The following STK39 variants were observed in gnomAD, a reference collection of about 807,000 sequenced individuals.
STK39 encodes serine/threonine kinase 39.
A neutral mutation model predicts 77.8 loss-of-function variants in STK39; 20 were observed. That is an observed-to-expected ratio of 0.26 (90% CI 0.18 to 0.37). The LOEUF (loss-of-function observed/expected upper bound fraction) is 0.37, where lower values mean the gene tolerates loss of function less well. Among genes scored for constraint, STK39 ranks in the 10% least tolerant of loss-of-function variants. STK39 has a pLI of 1.00. For synonymous variants in STK39, 246 were observed against 234.1 expected (o/e 1.05, Z -0.47); for missense variants, 479 against 656.5 (o/e 0.73, Z 2.95).
At chr2:168,207,655 A>T (rs1309893466) in intron 1 of STK39, among the ~76,000 whole-genome samples, 1 of 152,252 alleles carries the variant, frequency 6.6e-6, no homozygotes, top group Non-Finnish European at 1.5e-5. Context: ...AGCTATCATG[A>T]AAAAATTATT....
At chr2:168,008,691 AG>A (rs1277519230) in intron 16 of STK39, among the ~76,000 whole-genome samples, 2 of 152,180 alleles carry the variant, frequency 1.3e-5, no homozygotes, top group Non-Finnish European at 2.9e-5. Context: ...ATCTAAGGAA[AG>A]GGTCCTTGGA....
At chr2:168,024,636 G>A (rs1379475590) in intron 14 of STK39, among the ~76,000 whole-genome samples, 1 of 152,218 alleles carries the variant, frequency 6.6e-6, no homozygotes, top group Non-Finnish European at 1.5e-5. Flanking sequence ...CCAGAACCAA[G>A]AGCCAATACA....
chr2:168,140,252 A>T, intron 7 of STK39, 37 bp downstream of exon 7: 1 of 1,522,450 alleles, frequency 6.6e-7, no homozygotes, highest in Non-Finnish European at 9.1e-7. Context: ...GTCCAATCAC[A>T]TTTCAACCCC....
chr2:168,154,545 T>C (rs780736069), intron 5 of STK39, among the ~76,000 whole-genome samples: 8 of 152,224 alleles, frequency 5.3e-5, no homozygotes, highest in Non-Finnish European at 8.8e-5. Context: ...TAAGATGTTA[T>C]TGACCAAAAC....
At chr2:168,242,563 ATATATAT>A (rs1558893953) in intron 1 of STK39, among the ~76,000 whole-genome samples, 9,881 of 57,764 alleles carry the variant, frequency 0.17, 2,339 homozygotes, top group East Asian at 0.38. Flanking sequence ...AAAAAAAAAT[ATATATAT>A]ATATATATAT....
chr2:168,029,256 A>G (rs1684774849), intron 14 of STK39, among the ~76,000 whole-genome samples: 1 of 152,204 alleles, frequency 6.6e-6, no homozygotes, highest in South Asian at 2.1e-4. Flanking sequence ...TACTTGCCTG[A>G]AACTAAGGCA....
chr2:168,236,407 T>C (rs1383457940), intron 1 of STK39, among the ~76,000 whole-genome samples: 1 of 152,238 alleles, frequency 6.6e-6, no homozygotes, highest in Non-Finnish European at 1.5e-5. Flanking sequence ...AGGTTGCCTG[T>C]TCACTCTGAT....
intron 4 of STK39, among the ~76,000 whole-genome samples, chr2:168,162,786 G>A (rs1688607461): frequency 6.6e-6 from 1 of 152,058 alleles, no homozygotes; most frequent in Non-Finnish European, 1.5e-5. Flanking sequence ...CTAGCACTTT[G>A]GGAGGCTAAG....
intron 5 of STK39, among the ~76,000 whole-genome samples, chr2:168,142,566 C>T (rs1481779942): frequency 6.6e-6 from 1 of 152,090 alleles, no homozygotes; most frequent in Non-Finnish European, 1.5e-5. Context: ...GATATATTTC[C>T]ACTTCCTTAA....
At chr2:167,987,925 T>C (rs1305755763) in intron 16 of STK39, among the ~76,000 whole-genome samples, 1 of 152,226 alleles carries the variant, frequency 6.6e-6, no homozygotes, top group Non-Finnish European at 1.5e-5. Flanking sequence ...GCAATTTATG[T>C]ATCAAATTTT....
chr2:167,961,838 G>T (rs562817071), intron 17 of STK39, among the ~76,000 whole-genome samples: 1 of 152,140 alleles, frequency 6.6e-6, no homozygotes, highest in Non-Finnish European at 1.5e-5. Flanking sequence ...AATATCTGTC[G>T]TAAGACCAGA....
chr2:168,041,109 C>T (rs1425975368), intron 14 of STK39, among the ~76,000 whole-genome samples: 1 of 152,130 alleles, frequency 6.6e-6, no homozygotes, highest in Admixed American at 6.5e-5. Flanking sequence ...GGGATCTGAC[C>T]TCAGCAGGTG....
chr2:167,999,171 T>C (rs1430272313), intron 16 of STK39, among the ~76,000 whole-genome samples: 1 of 152,228 alleles, frequency 6.6e-6, no homozygotes, highest in Non-Finnish European at 1.5e-5. Context: ...AAATCCATTA[T>C]TTCTACACAT....
chr2:168,024,412 G>C (rs1011833151), intron 14 of STK39, among the ~76,000 whole-genome samples: 4 of 152,206 alleles, frequency 2.6e-5, no homozygotes, highest in Admixed American at 2.0e-4. Flanking sequence ...CTTCATCCCT[G>C]ATGTGACTGT....
intron 1 of STK39, among the ~76,000 whole-genome samples, chr2:168,197,061 T>C (rs1292759171): frequency 6.6e-6 from 1 of 152,124 alleles, no homozygotes; most frequent in Admixed American, 6.5e-5. Flanking sequence ...CTGGCTGCTA[T>C]GTGTAGATAA....
At chr2:167,995,566 A>G (rs1683816532) in intron 16 of STK39, among the ~76,000 whole-genome samples, 1 of 152,180 alleles carries the variant, frequency 6.6e-6, no homozygotes, top group Admixed American at 6.5e-5. Flanking sequence ...TAAGAATGTG[A>G]GCACTGCCCA....
intron 1 of STK39, among the ~76,000 whole-genome samples, chr2:168,235,799 A>G (rs1240927941): frequency 9.9e-5 from 15 of 151,896 alleles, no homozygotes; most frequent in East Asian, 1.9e-4. Flanking sequence ...CTTTTTTATG[A>G]CTGCATAGTA....
chr2:168,226,513 A>C (rs1232182240), intron 1 of STK39, among the ~76,000 whole-genome samples: 1 of 152,212 alleles, frequency 6.6e-6, no homozygotes, highest in Non-Finnish European at 1.5e-5. Context: ...TTGCTCATAC[A>C]AATAAACTTC....
chr2:167,967,492 C>T (rs1172547428), intron 16 of STK39, among the ~76,000 whole-genome samples: 1 of 152,200 alleles, frequency 6.6e-6, no homozygotes, highest in South Asian at 2.1e-4. Context: ...GCTTGAATAC[C>T]TGTCAGGGCT....
Sources: allele counts gnomAD v4.1 joint callset (sites outside exome capture counted in the v4.1 genomes callset), GRCh38; gene constraint gnomAD v4.1.1; transcripts MANE v1.5; gene names NCBI Gene and HGNC (gene_info 2026-07-23, HGNC 2026-07-21).